Variants in STK17B observed in about 807,000 individuals in gnomAD.
The protein encoded by STK17B is serine/threonine kinase 17b, also known as serine/threonine-protein kinase 17B.
In STK17B, 21 loss-of-function variants were observed where a neutral mutation model predicts 42.0. That is an observed-to-expected ratio of 0.50 (90% CI 0.35 to 0.72). The LOEUF (loss-of-function observed/expected upper bound fraction) is 0.72, where lower values mean the gene tolerates loss of function less well. STK17B is among the 30% of genes least tolerant of loss of function. The pLI is 0.00. For missense variants in STK17B, 349 were observed against 446.0 expected (o/e 0.78, Z 1.96); for synonymous variants, 143 against 148.4 (o/e 0.96, Z 0.26).
At chr2:196,140,577 C>CTTT (rs58205758) in intron 6 of STK17B, among the ~76,000 whole-genome samples, 13 of 101,466 alleles carry the variant, frequency 1.3e-4, no homozygotes, top group South Asian at 7.5e-4. Flanking sequence ...CTTCTTCTAG[C>CTTT]TTTTTTTTTT....
rs1160002948 is a variant in STK17B, at chr2:196,136,731, T to C, written c.*716A>G. 6.6e-6 allele frequency: 1 copy of C among 152,194 alleles called. No individual in the cohort carries two copies. Among genetic ancestry groups the C allele is most frequent in the African/African-American group, 2.4e-5 (1 of 41,450 alleles). 9.4% of individuals were successfully genotyped at this position (152,194 alleles called of 1,614,324 possible). ...CCAAATATCTCCATCTTCCAGACCT[T>C]ATCAGATCTCAAGTAGGTTGGGAGG... On this transcript the variant is annotated 3_prime_UTR_variant, in exon 8 of 8. Coordinates refer to ENST00000263955, the MANE Select transcript of STK17B (RefSeq NM_004226.4).
chr2:196,145,977 G>A lies in STK17B; in HGVS notation c.414C>T (p.Leu138=), dbSNP rs562717625. Residue 138 remains leucine (L), a synonymous_variant, in exon 4 of 8, where the codon CTC becomes CTT. Transcript: ENST00000263955. The part of the protein sequence containing the change: ...EMVSENDVIR[L]IKQILEGVYY... ...AAACTCCTTCAAGTATTTGTTTAATGAGTCTGATAACATCATTTTCAGAAA... is the reference window on the plus strand; with the variant it reads ...AAACTCCTTCAAGTATTTGTTTAATAAGTCTGATAACATCATTTTCAGAAA... The A allele has an allele frequency of 2.5e-6, 4 of 1,607,464 alleles. No individual in the cohort carries two copies. The East Asian group carries it at 6.7e-5, about 27-fold the overall frequency.
In STK17B at chr2:196,143,591, A is replaced by C. The variant is rs1355895691; in HGVS notation, c.576T>G (p.Leu192=). 1.2e-6 allele frequency: 2 copies of C among 1,606,662 alleles called. No individual in the cohort carries two copies. The highest frequency in any genetic ancestry group is 1.7e-4 in the Middle Eastern group (1 of 5,994). The stretch of plus-strand genomic sequence containing the variant: ...ATTCTGGTGTTCCCATGATTTCCCG[A>C]AGTTCACACGCATGCCCTATTTTTC... The part of the protein sequence containing the change: ...MSRKIGHACE[L]REIMGTPEYL... The change falls in exon 5 of 8, where the codon CTT becomes CTG. Residue 192 remains leucine, a synonymous_variant. Transcript: ENST00000263955.
chr2:196,147,218 T>G (rs1433660790), intron 3 of STK17B, among the ~76,000 whole-genome samples: 1 of 152,210 alleles, frequency 6.6e-6, no homozygotes, highest in African/African-American at 2.4e-5. Context: ...TATATTCTAT[T>G]TGATAAAATA....
At chr2:196,170,680 G>A (rs890528436) in intron 1 of STK17B, among the ~76,000 whole-genome samples, 2 of 152,220 alleles carry the variant, frequency 1.3e-5, no homozygotes, top group Non-Finnish European at 2.9e-5. Flanking sequence ...GTTTGAGGAT[G>A]AGTCGTGCAC....
At chr2:196,157,813 C>T (rs1347362385) in intron 2 of STK17B, among the ~76,000 whole-genome samples, 3 of 152,106 alleles carry the variant, frequency 2.0e-5, no homozygotes, top group Admixed American at 6.5e-5. Context: ...AAGTCTACAG[C>T]GGCCAAAAAT....
intron 5 of STK17B, among the ~76,000 whole-genome samples, chr2:196,143,156 G>A (rs1030246198): frequency 6.6e-6 from 1 of 152,152 alleles, no homozygotes; most frequent in African/African-American, 2.4e-5. Flanking sequence ...GAACAGCTCT[G>A]GAATTGGGAC....
At chr2:196,154,077 T>C (rs1699704895) in intron 3 of STK17B, 2 of 151,920 alleles carry the variant, frequency 1.3e-5, no homozygotes, top group South Asian at 2.1e-4. Flanking sequence ...TCTAGTAACA[T>C]ACAAAAAATT....
chr2:196,139,855 A>G (rs1699468593), intron 6 of STK17B, 56 bp from the exon 7 acceptor site: 9 of 1,257,354 alleles, frequency 7.2e-6, no homozygotes, highest in South Asian at 3.1e-5. Context: ...ACATTTATAC[A>G]AAGTACAATC....
intron 3 of STK17B, among the ~76,000 whole-genome samples, chr2:196,148,317 G>A (rs1016667761): frequency 1.3e-5 from 2 of 152,276 alleles, no homozygotes; most frequent in East Asian, 1.9e-4. Context: ...CAGACTGGCA[G>A]TGACACCATC....
rs759278188 is a variant in STK17B at position 196,146,088 on chromosome 2, AATTC to A, written c.336-37_336-34del. ...AAAATTCAAAGAACAGAGACTTGAA[AATTC>A]ATTCACCTAAACACTTTTAAATATT... On this transcript the variant is annotated intron_variant, in intron 3 of 7. Coordinates refer to ENST00000263955, the MANE Select transcript of STK17B (RefSeq NM_004226.4). 1.3e-5 allele frequency: 20 copies of A among 1,546,676 alleles called. No homozygotes were observed. The South Asian group carries it at 2.4e-4, about 18-fold the overall frequency.
intron 7 of STK17B, 90 bp downstream of exon 7, chr2:196,139,530 A>G (rs1245480287): frequency 1.2e-6 from 1 of 834,004 alleles, no homozygotes; most frequent in African/African-American, 1.8e-5. Context: ...ATTTTAGAAT[A>G]TACTTTCTTA....
intron 1 of STK17B, among the ~76,000 whole-genome samples, chr2:196,166,488 A>T (rs961584333): frequency 3.3e-5 from 5 of 152,134 alleles, no homozygotes; most frequent in African/African-American, 2.4e-5. Flanking sequence ...TATAGCATTT[A>T]AAAAAAATCT....
chr2:196,171,872 A>G (rs1294081990), upstream of STK17B, among the ~76,000 whole-genome samples: 1 of 152,016 alleles, frequency 6.6e-6, no homozygotes, highest in South Asian at 2.1e-4. Context: ...CGGGGCTGGA[A>G]CTACTGCTCT....
chr2:196,161,342 AT>A (rs1464450303), intron 2 of STK17B, among the ~76,000 whole-genome samples: 1 of 151,998 alleles, frequency 6.6e-6, no homozygotes, highest in African/African-American at 2.4e-5. Flanking sequence ...AAATGAAGTA[AT>A]TAAGATTTAG....
In STK17B at chr2:196,168,417, A is replaced by C. The variant is rs369077731; in HGVS notation, c.-45+2916T>G. Among the ~76,000 whole-genome samples, 4 of 152,232 alleles carry C rather than the reference A, an allele frequency of 2.6e-5. No homozygotes were observed. In the East Asian group the frequency reaches 7.7e-4, roughly 29 times the overall value. ...ATGGTGCTTGTCACTCACAAGACGG[A>C]AAATTGGGTTTCTGTTGTAAAATAT... On this transcript the variant is annotated intron_variant, in intron 1 of 7. Coordinates refer to ENST00000263955, the MANE Select transcript of STK17B (RefSeq NM_004226.4).
Position 196,137,453 on chromosome 2 carries a change from G to A in STK17B, c.1113C>T (p.Leu371=). The part of the protein sequence containing the change: ...PNPHELVSDL[L]C ...TGAGTCAAAGAAAAAAGTGCTAACA[G>A]AGCAAATCTGAAACAAGTTCATGGG... The change falls in exon 8 of 8, where the codon CTC becomes CTT. Residue 371 remains leucine (L), a synonymous_variant. Coordinates refer to ENST00000263955, the MANE Select transcript of STK17B (RefSeq NM_004226.4). The A allele has an allele frequency of 6.2e-7, 1 of 1,613,378 alleles. No homozygotes were observed. The highest frequency in any genetic ancestry group is 8.5e-7 in the Non-Finnish European group (1 of 1,179,708).
intron 2 of STK17B, among the ~76,000 whole-genome samples, chr2:196,162,032 T>C (rs1699818039): frequency 6.6e-6 from 1 of 152,192 alleles, no homozygotes; most frequent in South Asian, 2.1e-4. Flanking sequence ...ATGGACTTAG[T>C]AAACCATTTA....
intron 1 of STK17B, among the ~76,000 whole-genome samples, chr2:196,168,740 T>C (rs531037025): frequency 2.6e-5 from 4 of 152,250 alleles, no homozygotes; most frequent in South Asian, 4.1e-4. Context: ...GCCCTGAAAA[T>C]TGCAACATTA....
Sources: gnomAD v4.1 joint callset for allele counts (sites outside exome capture counted in the v4.1 genomes callset) on GRCh38, gnomAD v4.1.1 for gene constraint, MANE v1.5 for transcripts, NCBI Gene and HGNC (gene_info 2026-07-23, HGNC 2026-07-21) for gene names.